TAB2: variants seen among roughly 807,000 people sequenced by gnomAD.
TAB2 encodes the protein TGF-beta-activated kinase 1 and MAP3K7-binding protein 2.
In TAB2, 3 loss-of-function variants were observed where a neutral mutation model predicts 65.0. The observed-to-expected ratio is 0.05, with a 90% CI of 0.02 to 0.12. The LOEUF (loss-of-function observed/expected upper bound fraction) is 0.12, where lower values mean the gene tolerates loss of function less well. TAB2 is among the 10% of genes least tolerant of loss of function. The pLI is 1.00. For synonymous variants in TAB2, 298 were observed against 285.1 expected, an observed-to-expected ratio of 1.05 and a Z score of -0.46; for missense variants, 623 against 840.3, an observed-to-expected ratio of 0.74 and a Z score of 3.20.
At chr6:149,404,385 A>T (rs771699914) in intron 6 of TAB2, among the ~76,000 whole-genome samples, 2 of 152,342 alleles carry the variant, frequency 1.3e-5, no homozygotes, top group South Asian at 4.1e-4. Flanking sequence ...TACAGATTCA[A>T]TGTAATCCCT....
upstream of TAB2, among the ~76,000 whole-genome samples, chr6:149,314,597 T>TTGAA (rs1372861221): frequency 5.3e-5 from 8 of 152,214 alleles, no homozygotes; most frequent in African/African-American, 1.9e-4. Flanking sequence ...GTAATCCCTC[T>TTGAA]TCCCCTAAGT....
chr6:149,248,623 CT>C (rs1450238824), intron 1 of TAB2, among the ~76,000 whole-genome samples: 16 of 152,196 alleles, frequency 1.1e-4, no homozygotes, highest in Non-Finnish European at 2.1e-4. Flanking sequence ...ACTGTATGCA[CT>C]TGGTCATTTA....
chr6:149,218,333 T>G (rs1482769986), upstream of TAB2, among the ~76,000 whole-genome samples: 1 of 152,196 alleles, frequency 6.6e-6, no homozygotes, highest in Non-Finnish European at 1.5e-5. Flanking sequence ...ATGTTTTATG[T>G]TTATTCAGGG....
intron 1 of TAB2, among the ~76,000 whole-genome samples, chr6:149,312,559 CGCCATGTTG>C (rs953244064): frequency 6.6e-6 from 1 of 152,160 alleles, no homozygotes; most frequent in African/African-American, 2.4e-5. Context: ...GATGGCGTTT[CGCCATGTTG>C]GCCAGGCTGG....
intron 6 of TAB2, among the ~76,000 whole-genome samples, chr6:149,401,626 A>G (rs663625): frequency 0.12 from 18,582 of 152,146 alleles, 1,735 homozygotes; most frequent in East Asian, 0.51. Context: ...CCCCCCTTAC[A>G]ATAATAGAAT....
intron 1 of TAB2, among the ~76,000 whole-genome samples, chr6:149,278,557 A>G (rs1778517683): frequency 6.6e-6 from 1 of 152,232 alleles, no homozygotes; most frequent in Non-Finnish European, 1.5e-5. Flanking sequence ...AGAAGGTATC[A>G]TTTGAGATAG....
At chr6:149,312,363 T>C (rs931926809) in intron 1 of TAB2, among the ~76,000 whole-genome samples, 3 of 152,120 alleles carry the variant, frequency 2.0e-5, no homozygotes, top group Non-Finnish European at 4.4e-5. Context: ...TTTAATTTTT[T>C]TGTATTTATT....
intron 1 of TAB2, among the ~76,000 whole-genome samples, chr6:149,287,143 T>C (rs1197164879): frequency 6.6e-6 from 1 of 152,010 alleles, no homozygotes; most frequent in African/African-American, 2.4e-5. Flanking sequence ...CAAAAAAATT[T>C]AGATATTGTT....
At chr6:149,401,374 G>C (rs1332777468) in intron 6 of TAB2, 1 of 160,580 alleles carries the variant, frequency 6.2e-6, no homozygotes, top group African/African-American at 2.4e-5. Flanking sequence ...GATGGAAAAA[G>C]ATTTTATATA....
intron 1 of TAB2, among the ~76,000 whole-genome samples, chr6:149,222,276 T>G (rs1000714729): frequency 6.6e-6 from 1 of 152,226 alleles, no homozygotes; most frequent in Non-Finnish European, 1.5e-5. Flanking sequence ...AAACAGGTGA[T>G]TGTGGGACTC....
chr6:149,306,238 T>G (rs1779065097), intron 1 of TAB2, among the ~76,000 whole-genome samples: 1 of 151,736 alleles, frequency 6.6e-6, no homozygotes, highest in Non-Finnish European at 1.5e-5. Context: ...AAACCCCATC[T>G]CTACTAAAAA....
At position 149,249,660 on chromosome 6, in the gene TAB2, GTCTC is replaced by G. The variant is rs905233865; in HGVS notation, c.-121+30892_-121+30895del. On this transcript the variant is annotated intron_variant, in intron 1 of 1. Transcript: ENST00000606202. ...TCCATCTGTGTGTGTGTGTCTGTCT[GTCTC>G]TCTCTCTTTCTCTCCCTGTCTCTAT... Among the ~76,000 whole-genome samples, 6 of 151,854 alleles carry G rather than the reference GTCTC, an allele frequency of 4.0e-5. No homozygotes were observed. The East Asian group carries it at 7.7e-4, about 20-fold the overall frequency.
At chr6:149,218,773 G>A (rs1336292999) in exon 1 of TAB2, 1 of 455,964 alleles carries the variant, frequency 2.2e-6, no homozygotes, top group Non-Finnish European at 4.4e-6. Flanking sequence ...AACTGAGAAT[G>A]CAGGTAAGGC....
intron 2 of TAB2, among the ~76,000 whole-genome samples, chr6:149,377,582 A>G (rs937077361): frequency 2.6e-5 from 4 of 152,332 alleles, no homozygotes; most frequent in Middle Eastern, 3.4e-3. Flanking sequence ...TGTGTATAGC[A>G]CTTGATACAT....
At chr6:149,317,319 C>T (rs538817826), upstream of TAB2, among the ~76,000 whole-genome samples, 2 of 151,938 alleles carry the variant, frequency 1.3e-5, no homozygotes, top group African/African-American at 2.4e-5. The surrounding 1 kb of genome is among the most constrained non-coding windows in gnomAD (Gnocchi z 4.7). Flanking sequence ...AGCGGCGGCC[C>T]GCGTCCTCCC....
At chr6:149,359,162 T>C (rs868274637) in intron 1 of TAB2, among the ~76,000 whole-genome samples, 16 of 152,282 alleles carry the variant, frequency 1.1e-4, no homozygotes, top group African/African-American at 3.6e-4. Context: ...TCTTTGTGCT[T>C]TTGAATTTTA....
chr6:149,280,436 C>T (rs1778552513), intron 1 of TAB2, among the ~76,000 whole-genome samples: 1 of 152,090 alleles, frequency 6.6e-6, no homozygotes, highest in Admixed American at 6.6e-5. Context: ...ATTTTATTTC[C>T]TCCGCATGGT....
chr6:149,334,399 A>G (rs1779873037), intron 1 of TAB2, among the ~76,000 whole-genome samples: 1 of 152,164 alleles, frequency 6.6e-6, no homozygotes, highest in Admixed American at 6.6e-5. Context: ...CAGTTTAGAA[A>G]GGCTTAGCCA....
intron 1 of TAB2, among the ~76,000 whole-genome samples, chr6:149,283,101 G>A (rs1402387507): frequency 6.6e-6 from 1 of 152,168 alleles, no homozygotes; most frequent in Non-Finnish European, 1.5e-5. Context: ...CAGTTAGTAC[G>A]TTTGAGGGGT....
Sources: gnomAD v4.1 joint callset for allele counts (sites outside exome capture counted in the v4.1 genomes callset) on GRCh38, gnomAD v4.1.1 for gene constraint, Gnocchi (gnomAD v3.1) non-coding constraint, MANE v1.5 for transcripts, NCBI Gene and HGNC (gene_info 2026-07-23, HGNC 2026-07-21) for gene names.